SLC26A4: variants seen among roughly 807,000 people sequenced by gnomAD.
SLC26A4 encodes the protein pendrin.
SLC26A4 carries 93 observed loss-of-function variants against 90.4 expected under a neutral mutation model. That is an observed-to-expected ratio of 1.03 (90% CI 0.87 to 1.22). SLC26A4 has a LOEUF of 1.22. Among genes scored for constraint, SLC26A4 ranks in the 50% most tolerant of loss-of-function variants. The pLI is 0.00. For synonymous variants in SLC26A4, 393 were observed against 354.6 expected, an observed-to-expected ratio of 1.11 and a Z score of -1.22; for missense variants, 1,127 against 946.2, an observed-to-expected ratio of 1.19 and a Z score of -2.51.
rs114448729 is a variant in SLC26A4 at position 107,707,522 on chromosome 7, T to A, written c.2090-2532T>A. The stretch of plus-strand genomic sequence containing the variant: ...TAACTGTGGACAACAAGACTTAAAG[T>A]GGCTATATTTAAAGATCTGATGTGA... On this transcript the variant is annotated intron_variant, in intron 18 of 20. Transcript: ENST00000644269. Among the ~76,000 whole-genome samples, 934 of 152,314 alleles carry A rather than the reference T, an allele frequency of 6.1e-3. 9 individuals are homozygous for A. Among genetic ancestry groups the A allele is most frequent in the African/African-American group, 0.022 (894 of 41,580 alleles).
chr7:107,713,002 A>C (rs1004718706), intron 20 of SLC26A4, among the ~76,000 whole-genome samples: 1 of 152,200 alleles, frequency 6.6e-6, no homozygotes, highest in African/African-American at 2.4e-5. Flanking sequence ...GAGGAACAGA[A>C]ACCCTATGAC....
chr7:107,677,547 T>G (rs1182855163), intron 6 of SLC26A4, among the ~76,000 whole-genome samples: 2 of 152,102 alleles, frequency 1.3e-5, no homozygotes, highest in African/African-American at 4.8e-5. Flanking sequence ...GATTCAGCAT[T>G]ATATGGGTCA....
At chr7:107,682,103 C>CT (rs1791251841) in intron 6 of SLC26A4, among the ~76,000 whole-genome samples, 1 of 48,578 alleles carries the variant, frequency 2.1e-5, no homozygotes, top group African/African-American at 1.1e-4. Context: ...GGCAAGAGAG[C>CT]TAAAAAAAAA....
intron 18 of SLC26A4, among the ~76,000 whole-genome samples, chr7:107,705,997 A>G (rs1177704638): frequency 2.0e-5 from 3 of 152,226 alleles, no homozygotes; most frequent in African/African-American, 7.2e-5. Context: ...CTTGGTCTTC[A>G]TTGGAGTGTT....
intron 8 of SLC26A4, among the ~76,000 whole-genome samples, chr7:107,686,671 G>A (rs915778328): frequency 7.9e-5 from 12 of 152,030 alleles, no homozygotes; most frequent in East Asian, 5.8e-4. Flanking sequence ...GTAGAGACGG[G>A]GTTTCACCAT....
At position 107,702,019 on chromosome 7, in the gene SLC26A4, T is replaced by C. The variant is rs397516425; in HGVS notation, c.1996T>C (p.Ser666Pro). The C allele has an allele frequency of 5.0e-6, 8 of 1,613,976 alleles. No homozygotes were observed. The Admixed American group carries it at 1.3e-4, about 27-fold the overall frequency. The part of the protein sequence containing the change: ...HSLVLDCGAI[S>P]FLDVVGVRSL... Reference sequence around the variant, plus strand: ...CCTTGTGCTTGACTGTGGAGCTATATCTTTCCTGGACGTTGTTGGAGTGAG... The same window carrying C: ...CCTTGTGCTTGACTGTGGAGCTATACCTTTCCTGGACGTTGTTGGAGTGAG... Residue 666 changes from serine to proline, a missense_variant, in exon 17 of 21, where the codon TCT becomes CCT. Coordinates refer to ENST00000644269, the MANE Select transcript of SLC26A4 (RefSeq NM_000441.2).
At chr7:107,678,376 T>C (rs1219147763) in intron 6 of SLC26A4, among the ~76,000 whole-genome samples, 1 of 152,198 alleles carries the variant, frequency 6.6e-6, no homozygotes, top group Non-Finnish European at 1.5e-5. Context: ...GGCCTTCATC[T>C]ACACAGATCG....
Position 107,689,077 on chromosome 7 carries a change from T to C in SLC26A4, c.1026T>C (p.Pro342=). 6.2e-7 allele frequency: 1 copy of C among 1,613,998 alleles called. No homozygotes were observed. The highest frequency in any genetic ancestry group is 8.5e-7 in the Non-Finnish European group (1 of 1,179,866). ...PRGFLPPELP[P]VSLFSEMLAA... ...GGTTTTTGCCTCCTGAACTTCCACC[T>C]GTGAGCTTGTTCTCGGAGATGCTGG... The change falls in exon 9 of 21, where the codon CCT becomes CCC. Residue 342 remains proline, a synonymous_variant. Coordinates refer to ENST00000644269, the MANE Select transcript of SLC26A4 (RefSeq NM_000441.2).
intron 20 of SLC26A4, 81 bp downstream of exon 20, chr7:107,712,703 T>A (rs1435561412): frequency 2.5e-6 from 2 of 807,020 alleles, no homozygotes; most frequent in East Asian, 2.6e-5. Context: ...ATATATCTGA[T>A]TAAGAACTGT....
At chr7:107,695,900 T>C (rs939986022) in intron 12 of SLC26A4, 33 bp from the exon 13 acceptor site, 1 of 1,036,302 alleles carries the variant, frequency 9.6e-7, no homozygotes, top group Non-Finnish European at 1.5e-6. Context: ...GATACATTAA[T>C]ATAATTCTTT....
intron 19 of SLC26A4, among the ~76,000 whole-genome samples, chr7:107,711,760 T>C (rs1792195937): frequency 6.6e-6 from 1 of 152,174 alleles, no homozygotes. Context: ...TATTTTACCA[T>C]CACAGGACTA....
rs556184448 is a variant in SLC26A4 at position 107,683,567 on chromosome 7, A to G, written c.1001+30A>G. The G allele has an allele frequency of 1.2e-4, 191 of 1,531,700 alleles. 1 individual carries two copies. Among genetic ancestry groups the G allele is most frequent in the Middle Eastern group, 1.0e-3 (6 of 5,892 alleles). 94.9% of individuals were successfully genotyped at this position (1,531,700 alleles called of 1,614,324 possible). A position where few individuals can be genotyped will look rare whatever the true frequency, so the allele number is the denominator to read the frequency against. ...GTGTGGTGTTCCTCTTAGTACTAAT[A>G]CATTAAGTCAGTAAGTCAGTCTTTT... On this transcript the variant is annotated intron_variant, in intron 8 of 20. Transcript: ENST00000644269.
chr7:107,708,427 A>T (rs1426078711), intron 18 of SLC26A4, among the ~76,000 whole-genome samples: 2 of 152,102 alleles, frequency 1.3e-5, no homozygotes, highest in Non-Finnish European at 2.9e-5. Flanking sequence ...TTATCTCTTC[A>T]TACTTGTAAA....
intron 14 of SLC26A4, 23 bp from the exon 15 acceptor site, chr7:107,700,060 C>T (rs372878182): frequency 1.5e-6 from 2 of 1,292,928 alleles, no homozygotes; most frequent in African/African-American, 2.9e-5. Context: ...TATTTAATCC[C>T]AGACAATTTC....
chr7:107,679,959 A>T (rs1461184287), intron 6 of SLC26A4, among the ~76,000 whole-genome samples: 4 of 124,028 alleles, frequency 3.2e-5, no homozygotes, highest in East Asian at 2.2e-4. Context: ...TATATAATAT[A>T]ATCTTATTAT....
intron 17 of SLC26A4, among the ~76,000 whole-genome samples, chr7:107,702,850 G>A (rs1351305529): frequency 1.3e-5 from 2 of 152,164 alleles, no homozygotes. Flanking sequence ...TATGTTAACA[G>A]CAACAGGATA....
intron 3 of SLC26A4, among the ~76,000 whole-genome samples, chr7:107,668,790 C>T (rs948114644): frequency 2.0e-5 from 3 of 152,056 alleles, no homozygotes; most frequent in Admixed American, 1.3e-4. Context: ...GGTGACAGCC[C>T]GTCACCTTGC....
chr7:107,715,396 C>T lies in SLC26A4; in HGVS notation c.2320-27C>T, dbSNP rs377068848. On this transcript the variant is annotated intron_variant, in intron 20 of 20. Coordinates refer to ENST00000644269, the MANE Select transcript of SLC26A4 (RefSeq NM_000441.2). ...CTTAAGGAGAATTCAGTTGTATCAA[C>T]ACTTTGTTTTCCCCTTGCTTCCACA... The T allele has an allele frequency of 8.1e-6, 13 of 1,603,710 alleles. No homozygotes were observed. The African/African-American group carries it at 1.5e-4, about 18-fold the overall frequency.
In SLC26A4 at chr7:107,675,090, G is replaced by A. The variant is rs568561650; in HGVS notation, c.746G>A (p.Gly249Glu). 1.2e-6 allele frequency: 2 copies of A among 1,613,802 alleles called. No homozygotes were observed. Among genetic ancestry groups the A allele is most frequent in the Admixed American group, 3.3e-5 (2 of 59,982 alleles). The change falls in exon 6 of 21, where the codon GGA becomes GAA. Residue 249 changes from glycine to glutamate, a missense_variant. Gly to Glu is a moderately conservative substitution (Grantham distance 98, BLOSUM62 -2). Transcript: ENST00000644269. ...AATGTTTCAACCAAAAACTACAATG[G>A]AGTTCTCTCTATTATCTATGTAAGT... Reference protein sequence around the residue: ...VLNVSTKNYNGVLSIIYTLVE... With the variant: ...VLNVSTKNYNEVLSIIYTLVE...
Sources: gnomAD v4.1 joint callset for allele counts (sites outside exome capture counted in the v4.1 genomes callset) on GRCh38, gnomAD v4.1.1 for gene constraint, MANE v1.5 for transcripts, NCBI Gene and HGNC (gene_info 2026-07-23, HGNC 2026-07-21) for gene names.